GBF1: variants seen among roughly 807,000 people sequenced by gnomAD.
GBF1 encodes golgi brefeldin A resistant guanine nucleotide exchange factor 1, also known as Golgi-specific brefeldin A-resistance guanine nucleotide exchange factor 1.
GBF1 carries 114 observed loss-of-function variants against 210.5 expected under a neutral mutation model. The observed-to-expected ratio is 0.54, with a 90% CI of 0.47 to 0.63. GBF1 has a LOEUF of 0.63. Among genes scored for constraint, GBF1 ranks in the 30% least tolerant of loss-of-function variants. GBF1 has a pLI of 0.00. For missense variants in GBF1, 1,851 were observed against 2,357.7 expected, an observed-to-expected ratio of 0.79 and a Z score of 4.45; for synonymous variants, 850 against 889.2, an observed-to-expected ratio of 0.96 and a Z score of 0.78.
intron 3 of GBF1, among the ~76,000 whole-genome samples, chr10:102,339,133 C>T (rs1035605119): frequency 9.2e-5 from 14 of 152,152 alleles, no homozygotes; most frequent in East Asian, 1.9e-4. Context: ...AAGGCCGAGA[C>T]GGGTGGATCA....
At chr10:102,291,056 G>A (rs575237399) in intron 3 of GBF1, among the ~76,000 whole-genome samples, 4 of 152,270 alleles carry the variant, frequency 2.6e-5, no homozygotes, top group Admixed American at 2.0e-4. Flanking sequence ...ACAGAAGTTG[G>A]ATAGGAACCT....
intron 3 of GBF1, among the ~76,000 whole-genome samples, chr10:102,338,030 CTT>C (rs1163399564): frequency 1.3e-5 from 2 of 151,984 alleles, no homozygotes; most frequent in East Asian, 3.9e-4. Flanking sequence ...AGACAAAACT[CTT>C]TAAGGAAAGT....
chr10:102,308,524 AC>A (rs2078121480), intron 3 of GBF1, among the ~76,000 whole-genome samples: 1 of 152,108 alleles, frequency 6.6e-6, no homozygotes, highest in African/African-American at 2.4e-5. Context: ...GCACATATAC[AC>A]CATGGAATAC....
At chr10:102,291,227 G>A (rs1363263166) in intron 3 of GBF1, among the ~76,000 whole-genome samples, 2 of 152,082 alleles carry the variant, frequency 1.3e-5, no homozygotes, top group African/African-American at 4.8e-5. Flanking sequence ...ACTGGTCTGA[G>A]ACTATGGGCT....
intron 3 of GBF1, among the ~76,000 whole-genome samples, chr10:102,282,187 G>A (rs1350454567): frequency 9.2e-5 from 14 of 151,418 alleles, no homozygotes; most frequent in African/African-American, 2.7e-4. Context: ...CACCCGCCTC[G>A]GCCTCTCAAA....
At position 102,284,028 on chromosome 10, in the gene GBF1, G is replaced by A. The variant is rs113433337; in HGVS notation, c.163+23912G>A. 2.7e-3 allele frequency among the ~76,000 whole-genome samples: 404 copies of A among 152,244 alleles called. 1 individual carries two copies. Among genetic ancestry groups the A allele is most frequent in the Non-Finnish European group, 4.3e-3 (295 of 68,012 alleles). ...TTTCTGCAACCAGTTTTGGTGAGTG[G>A]AAAGCAACTAGGTAAGTTTCACTTT... On this transcript the variant is annotated intron_variant, in intron 3 of 39. Transcript: ENST00000369983.
chr10:102,234,307 G>C, the GBF1 span, among the ~76,000 whole-genome samples: 1 of 152,144 alleles, frequency 6.6e-6, no homozygotes, highest in African/African-American at 2.4e-5. Flanking sequence ...GTGGAACCGA[G>C]GTCAAGGCAG....
chr10:102,277,601 A>G (rs753757735), intron 3 of GBF1, among the ~76,000 whole-genome samples: 5 of 151,970 alleles, frequency 3.3e-5, no homozygotes, highest in Non-Finnish European at 7.4e-5. Context: ...CTGGTCTCGA[A>G]CTCATGACCA....
intron 1 of GBF1, among the ~76,000 whole-genome samples, chr10:102,251,668 C>T (rs532202997): frequency 1.6e-4 from 25 of 152,274 alleles, no homozygotes; most frequent in Non-Finnish European, 3.1e-4. Context: ...ATCCTCCTGC[C>T]TTAGCCTCCC....
intron 39 of GBF1, 125 bp from the exon 40 acceptor site, chr10:102,381,931 G>C (rs933182863): frequency 4.4e-6 from 3 of 685,158 alleles, no homozygotes; most frequent in South Asian, 2.8e-5. Context: ...TTAGGCTGGT[G>C]GGGGGCCGTG....
chr10:102,343,032 C>A (rs1024548517), intron 3 of GBF1, among the ~76,000 whole-genome samples: 1 of 152,082 alleles, frequency 6.6e-6, no homozygotes, highest in Non-Finnish European at 1.5e-5. Flanking sequence ...CTTATCTGAG[C>A]CTTTTCTCAT....
chr10:102,240,791 C>T (rs762090268), upstream of GBF1, among the ~76,000 whole-genome samples: 33 of 152,252 alleles, frequency 2.2e-4, no homozygotes, highest in Non-Finnish European at 4.4e-4. Flanking sequence ...CTGACTCAGT[C>T]GCGGCCGGGC....
intron 3 of GBF1, among the ~76,000 whole-genome samples, chr10:102,304,544 T>G (rs2077668816): frequency 1.3e-5 from 2 of 151,960 alleles, no homozygotes; most frequent in African/African-American, 4.8e-5. Flanking sequence ...GAAGCCAGGG[T>G]AGGTGGATCA....
chr10:102,319,578 C>T (rs2056191073), intron 3 of GBF1, among the ~76,000 whole-genome samples: 1 of 152,106 alleles, frequency 6.6e-6, no homozygotes. Context: ...CTTCTCAGAG[C>T]CTCCCATCCT....
chr10:102,251,616 C>T (rs752861769), intron 1 of GBF1, among the ~76,000 whole-genome samples: 14 of 152,014 alleles, frequency 9.2e-5, no homozygotes, highest in South Asian at 6.2e-4. Context: ...TACAGTGGCA[C>T]GATCATACCG....
At position 102,382,039 on chromosome 10, in the gene GBF1, C is replaced by T; in HGVS notation, c.5303-17C>T. ...CAACAAGGGAATCTGACTGTAACCACCTTGCTTTCCCTACAGACTTTGAGA... is the reference window on the plus strand; with the variant it reads ...CAACAAGGGAATCTGACTGTAACCATCTTGCTTTCCCTACAGACTTTGAGA... On this transcript the variant is annotated splice_polypyrimidine_tract_variant and intron_variant, in intron 39 of 39. Coordinates refer to ENST00000369983, the MANE Select transcript of GBF1 (RefSeq NM_001377137.1). 2.0e-6 allele frequency: 3 copies of T among 1,523,566 alleles called. No individual in the cohort carries two copies. In the East Asian group the frequency reaches 6.8e-5, roughly 35 times the overall value. The allele number at this position is 1,523,566 out of a possible 1,614,324, so 94.4% of individuals were successfully genotyped here.
At chr10:102,301,194 T>G (rs917558850) in intron 3 of GBF1, among the ~76,000 whole-genome samples, 1 of 152,156 alleles carries the variant, frequency 6.6e-6, no homozygotes, top group Admixed American at 6.5e-5. Flanking sequence ...TTAATGAGCA[T>G]GCTGCCTTCA....
intron 3 of GBF1, among the ~76,000 whole-genome samples, chr10:102,319,078 G>T (rs2056132378): frequency 6.6e-6 from 1 of 152,156 alleles, no homozygotes; most frequent in Admixed American, 6.5e-5. Context: ...AGCACTTTGG[G>T]AGGCTAAGGC....
At chr10:102,314,866 T>C (rs2078799176) in intron 3 of GBF1, among the ~76,000 whole-genome samples, 1 of 152,206 alleles carries the variant, frequency 6.6e-6, no homozygotes, top group Admixed American at 6.5e-5. Flanking sequence ...ATCAGGCAAG[T>C]CTGACATTTG....
Sources: gnomAD v4.1 joint callset for allele counts (sites outside exome capture counted in the v4.1 genomes callset) on GRCh38, gnomAD v4.1.1 for gene constraint, MANE v1.5 for transcripts, NCBI Gene and HGNC (gene_info 2026-07-23, HGNC 2026-07-21) for gene names.